TNFRSF10B: variants seen among roughly 807,000 people sequenced by gnomAD.
TNFRSF10B encodes TNF receptor superfamily member 10b.
Under a neutral mutation model 41.4 loss-of-function variants are expected in TNFRSF10B, and 35 were observed. That is an observed-to-expected ratio of 0.85 (90% CI 0.65 to 1.12). TNFRSF10B has a LOEUF of 1.12. Ranked by LOEUF, TNFRSF10B falls within the 50% of genes most tolerant of loss-of-function variation. The pLI, the probability that TNFRSF10B is intolerant of heterozygous loss-of-function variation, is 0.00. For missense variants in TNFRSF10B, 584 were observed against 552.7 expected (o/e 1.06, Z -0.57); for synonymous variants, 230 against 215.5 (o/e 1.07, Z -0.59).
Position 23,021,036 on chromosome 8 carries a change from A to G in TNFRSF10B, c.*1635T>C, listed in dbSNP as rs971759595. Reference sequence around the variant, plus strand: ...CTTCAGGCAATTCTAACTTTGTCCCACCCAAACCAGTCCCGGAACAAAACA... The same window carrying G: ...CTTCAGGCAATTCTAACTTTGTCCCGCCCAAACCAGTCCCGGAACAAAACA... On this transcript the variant is annotated 3_prime_UTR_variant, in exon 9 of 9. Transcript: ENST00000276431. 6.6e-6 allele frequency: 3 copies of G among 454,016 alleles called. No homozygotes were observed. Among genetic ancestry groups the G allele is most frequent in the African/African-American group, 2.0e-5 (1 of 50,018 alleles). The allele number at this position is 454,016 out of a possible 1,614,324, so 28.1% of individuals were successfully genotyped here. A position where few individuals can be genotyped will look rare whatever the true frequency, so the allele number is the denominator to read the frequency against.
chr8:23,033,442 C>T (rs1811937030), intron 2 of TNFRSF10B, among the ~76,000 whole-genome samples: 1 of 151,760 alleles, frequency 6.6e-6, no homozygotes, highest in African/African-American at 2.4e-5. Context: ...AAAAAATTAG[C>T]CGGGCGAGGT....
intron 7 of TNFRSF10B, among the ~76,000 whole-genome samples, chr8:23,025,335 A>G (rs1220190578): frequency 6.6e-6 from 1 of 152,228 alleles, no homozygotes; most frequent in Non-Finnish European, 1.5e-5. Flanking sequence ...TTTGATAATA[A>G]AATTGAATGT....
intron 2 of TNFRSF10B, among the ~76,000 whole-genome samples, chr8:23,037,255 A>G (rs1182131321): frequency 6.6e-6 from 1 of 152,106 alleles, no homozygotes; most frequent in Non-Finnish European, 1.5e-5. Flanking sequence ...GAGGTTATGT[A>G]TGGGCTTAAC....
chr8:23,027,854 C>A (rs1811757010), intron 5 of TNFRSF10B, 101 bp from the exon 6 acceptor site: 13 of 1,444,896 alleles, frequency 9.0e-6, no homozygotes, highest in African/African-American at 1.4e-5. Flanking sequence ...GGCTGGGACA[C>A]TGGACAAGGA....
At chr8:23,032,585 AT>A (rs1279166866) in intron 2 of TNFRSF10B, among the ~76,000 whole-genome samples, 1 of 152,150 alleles carries the variant, frequency 6.6e-6, no homozygotes, top group Non-Finnish European at 1.5e-5. Context: ...TTTGGTAGGG[AT>A]TTCATTGAAT....
In TNFRSF10B at chr8:23,022,608, G is replaced by C. The variant is rs1811567400; in HGVS notation, c.*63C>G. 6.3e-7 allele frequency: 1 copy of C among 1,590,814 alleles called. No individual in the cohort carries two copies. Among genetic ancestry groups the C allele is most frequent in the Admixed American group, 1.7e-5 (1 of 59,210 alleles). ...GCACTTTCCTACTGACTGGAGTCCA[G>C]TTGGGCTTTTTCCAGAAAAAAGGTA... is the stretch of plus-strand genomic sequence containing the variant. On this transcript the variant is annotated 3_prime_UTR_variant, in exon 9 of 9. Coordinates refer to ENST00000276431, the MANE Select transcript of TNFRSF10B (RefSeq NM_003842.5).
At chr8:23,044,687 A>T (rs932813940) in intron 1 of TNFRSF10B, among the ~76,000 whole-genome samples, 7 of 152,162 alleles carry the variant, frequency 4.6e-5, no homozygotes, top group African/African-American at 1.4e-4. Context: ...AAGAAGAAAG[A>T]TCTCAAATAC....
intron 2 of TNFRSF10B, 182 bp downstream of exon 2, chr8:23,042,956 C>A: frequency 1.7e-6 from 1 of 583,864 alleles, no homozygotes. Flanking sequence ...TTGGCTGTCT[C>A]ATTCATTTGT....
In TNFRSF10B at chr8:23,020,150, A is replaced by G. The variant is rs1176099792; in HGVS notation, c.*2521T>C. The G allele has an allele frequency of 7.5e-6, 3 of 398,026 alleles. No individual in the cohort carries two copies. The highest frequency in any genetic ancestry group is 1.4e-4 in the East Asian group (2 of 13,850). The allele number at this position is 398,026 out of a possible 1,614,324, so 24.7% of individuals were successfully genotyped here. A position where few individuals can be genotyped will look rare whatever the true frequency, so the allele number is the denominator to read the frequency against. ...CACACCTCTTTTTATATAAGGTTTC[A>G]TATTTAATTTGGTCATGGATTCATA... On this transcript the variant is annotated 3_prime_UTR_variant, in exon 9 of 9. Transcript: ENST00000276431.
chr8:23,054,413 G>A (rs753609568), intron 1 of TNFRSF10B, among the ~76,000 whole-genome samples: 1 of 152,174 alleles, frequency 6.6e-6, no homozygotes, highest in Non-Finnish European at 1.5e-5. Flanking sequence ...AAAATTTGGA[G>A]CATATTTGTT....
intron 6 of TNFRSF10B, 68 bp from the exon 7 acceptor site, chr8:23,027,356 C>T (rs1811734166): frequency 6.3e-7 from 1 of 1,586,054 alleles, no homozygotes; most frequent in Non-Finnish European, 8.6e-7. Context: ...GCTGCAGGGT[C>T]CTCAGTATGC....
At chr8:23,037,582 T>G (rs1812061783) in intron 2 of TNFRSF10B, among the ~76,000 whole-genome samples, 1 of 152,206 alleles carries the variant, frequency 6.6e-6, no homozygotes, top group Non-Finnish European at 1.5e-5. Context: ...TGCTTCTGAT[T>G]GAGGGACTCA....
intron 2 of TNFRSF10B, among the ~76,000 whole-genome samples, chr8:23,041,300 G>A (rs971599482): frequency 6.6e-6 from 1 of 152,000 alleles, no homozygotes; most frequent in Non-Finnish European, 1.5e-5. Context: ...CAAGTGATTT[G>A]CCCACCTTGG....
rs1029452037 is a variant in TNFRSF10B at position 23,030,765 on chromosome 8, C to G, written c.358G>C (p.Asp120His). ...LLFCLRCTRC[D>H]SGEVELSPCT... is the part of the protein sequence containing the mutation. ...GGGTCCATATGTTCTGTACCTGAATCACACCTGGTGCAGCGCAAGCAGAAA... is the reference window on the plus strand; with the variant it reads ...GGGTCCATATGTTCTGTACCTGAATGACACCTGGTGCAGCGCAAGCAGAAA... Residue 120 changes from aspartate to histidine, a missense_variant, in exon 3 of 9, where the codon GAT becomes CAT. Transcript: ENST00000276431. 6.2e-7 allele frequency: 1 copy of G among 1,611,608 alleles called. No individual in the cohort carries two copies. Among genetic ancestry groups the G allele is most frequent in the African/African-American group, 1.3e-5 (1 of 74,842 alleles).
intron 7 of TNFRSF10B, 137 bp downstream of exon 7, chr8:23,026,996 A>G (rs1811721993): frequency 6.1e-6 from 8 of 1,321,732 alleles, no homozygotes; most frequent in African/African-American, 1.4e-5. Context: ...CAGCTGCTCC[A>G]TCCCCTGCAG....
chr8:23,035,327 A>T (rs1334888463), intron 2 of TNFRSF10B, among the ~76,000 whole-genome samples: 1 of 152,058 alleles, frequency 6.6e-6, no homozygotes, highest in Non-Finnish European at 1.5e-5. Context: ...TTTTTAGTAG[A>T]GATGAGGTTT....
intron 1 of TNFRSF10B, among the ~76,000 whole-genome samples, chr8:23,048,437 CAAA>C (rs34985507): frequency 4.7e-4 from 44 of 93,694 alleles, no homozygotes; most frequent in East Asian, 7.2e-4. Context: ...ATTTTTGTGT[CAAA>C]AAAAAAAAAA....
intron 5 of TNFRSF10B, 163 bp downstream of exon 5, chr8:23,028,168 G>A (rs1211445392): frequency 2.2e-6 from 2 of 893,038 alleles, no homozygotes; most frequent in East Asian, 2.6e-5. Context: ...GGTCCTGGGG[G>A]GTGCACGGGA....
Position 23,022,386 on chromosome 8 carries a change from G to C in TNFRSF10B, c.*285C>G, listed in dbSNP as rs1167561279. On this transcript the variant is annotated 3_prime_UTR_variant, in exon 9 of 9. Coordinates refer to ENST00000276431, the MANE Select transcript of TNFRSF10B (RefSeq NM_003842.5). ...ATTTACATTAGGATAAAAAAGTGCT[G>C]TGAAAACAATGACATCCCAAACCAA... The C allele has an allele frequency of 1.8e-6, 1 of 567,714 alleles. No homozygotes were observed. Among genetic ancestry groups the C allele is most frequent in the Non-Finnish European group, 3.3e-6 (1 of 301,490 alleles). The allele number at this position is 567,714 out of a possible 1,614,324, so 35.2% of individuals were successfully genotyped here. A position where few individuals can be genotyped will look rare whatever the true frequency, so the allele number is the denominator to read the frequency against.
Sources: gnomAD v4.1 joint callset for allele counts (sites outside exome capture counted in the v4.1 genomes callset) on GRCh38, gnomAD v4.1.1 for gene constraint, MANE v1.5 for transcripts, NCBI Gene and HGNC (gene_info 2026-07-23, HGNC 2026-07-21) for gene names.